CD82: variants seen among roughly 807,000 people sequenced by gnomAD.
The protein encoded by CD82 is CD82 molecule.
A neutral mutation model predicts 37.4 loss-of-function variants in CD82; 36 were observed. The ratio of observed to expected loss-of-function variants is 0.96; its 90% CI spans 0.74 to 1.27. The LOEUF (loss-of-function observed/expected upper bound fraction) is 1.27, where lower values mean the gene tolerates loss of function less well. Ranked by LOEUF, CD82 falls within the 50% of genes most tolerant of loss-of-function variation. The pLI is 0.00. For synonymous variants in CD82, 158 were observed against 137.4 expected (o/e 1.15, Z -1.05); for missense variants, 340 against 347.0 (o/e 0.98, Z 0.16).
chr11:44,616,694 C>T (rs1853569592), intron 7 of CD82, among the ~76,000 whole-genome samples: 1 of 152,204 alleles, frequency 6.6e-6, no homozygotes, highest in South Asian at 2.1e-4. Context: ...AAGCCTGAAG[C>T]ACTTAGGCAG....
At chr11:44,593,627 C>G (rs1233775009) in intron 2 of CD82, among the ~76,000 whole-genome samples, 1 of 151,802 alleles carries the variant, frequency 6.6e-6, no homozygotes, top group Non-Finnish European at 1.5e-5. Context: ...CTTGTGTCAT[C>G]GGGGAGACTG....
At chr11:44,577,950 T>C (rs1852922661) in intron 1 of CD82, among the ~76,000 whole-genome samples, 1 of 152,168 alleles carries the variant, frequency 6.6e-6, no homozygotes, top group South Asian at 2.1e-4. Context: ...TCAGCTGATT[T>C]AATCAGACTC....
intron 6 of CD82, among the ~76,000 whole-genome samples, chr11:44,609,242 G>C (rs78881068): frequency 5.6e-4 from 86 of 152,334 alleles, no homozygotes; most frequent in Non-Finnish European, 1.1e-3. Context: ...CTGATCCACA[G>C]GCGAGCTCTT....
At chr11:44,567,596 AG>A (rs974496589) in intron 1 of CD82, among the ~76,000 whole-genome samples, 12 of 151,918 alleles carry the variant, frequency 7.9e-5, no homozygotes, top group Non-Finnish European at 1.5e-4. Flanking sequence ...TATGGTGGGG[AG>A]GGAGAGGGTC....
intron 1 of CD82, chr11:44,584,995 G>A (rs1249748337): frequency 1.2e-5 from 4 of 346,288 alleles, no homozygotes; most frequent in African/African-American, 6.4e-5. Context: ...CGACTGGGCA[G>A]ACCGAGCTCC....
chr11:44,598,877 G>A (rs1436194740), intron 3 of CD82, among the ~76,000 whole-genome samples: 1 of 152,236 alleles, frequency 6.6e-6, no homozygotes, highest in African/African-American at 2.4e-5. Flanking sequence ...ATACAGGTGG[G>A]AGTTTCAAGA....
At chr11:44,599,122 C>T (rs959726908) in intron 3 of CD82, among the ~76,000 whole-genome samples, 2 of 152,154 alleles carry the variant, frequency 1.3e-5, no homozygotes, top group African/African-American at 4.8e-5. Context: ...GCTTGGGATC[C>T]TTATTTGTAA....
chr11:44,618,375 G>T lies in CD82; in HGVS notation c.642+10G>T, dbSNP rs756348931. On this transcript the variant is annotated intron_variant, in intron 8 of 9. Coordinates refer to ENST00000227155, the MANE Select transcript of CD82 (RefSeq NM_002231.4). ...GCCTGTGTACCAGGAGGTGTGCGGG[G>T]GGCTGCGGATCGGGGGCGGGGCTCC... 1.2e-6 allele frequency: 2 copies of T among 1,610,406 alleles called. No individual in the cohort carries two copies. Among genetic ancestry groups the T allele is most frequent in the Non-Finnish European group, 1.7e-6 (2 of 1,178,530 alleles).
chr11:44,595,157 G>C (rs938016727), intron 3 of CD82, among the ~76,000 whole-genome samples: 1 of 152,164 alleles, frequency 6.6e-6, no homozygotes, highest in East Asian at 1.9e-4. Context: ...TCACACCCCC[G>C]TCCCTGTCGT....
chr11:44,612,756 G>A (rs1007607319), intron 6 of CD82, among the ~76,000 whole-genome samples: 5 of 148,032 alleles, frequency 3.4e-5, no homozygotes, highest in African/African-American at 7.5e-5. Context: ...TCTCAGTCTC[G>A]CGAGTAGCTG....
intron 1 of CD82, among the ~76,000 whole-genome samples, chr11:44,572,762 C>A (rs1379911541): frequency 6.6e-6 from 1 of 152,206 alleles, no homozygotes; most frequent in Non-Finnish European, 1.5e-5. Context: ...GTTTCCTCAT[C>A]TGTGAAATAG....
At chr11:44,605,474 TG>T in intron 6 of CD82, 45 bp downstream of exon 6, 1 of 1,554,774 alleles carries the variant, frequency 6.4e-7, no homozygotes, top group Non-Finnish European at 8.9e-7. Flanking sequence ...GGACCAACCA[TG>T]GGGGTGATTG....
At chr11:44,608,574 A>T (rs1853433440) in intron 6 of CD82, among the ~76,000 whole-genome samples, 1 of 152,254 alleles carries the variant, frequency 6.6e-6, no homozygotes, top group South Asian at 2.1e-4. Flanking sequence ...CCTGTGCCTC[A>T]GTTTCCACAT....
intron 2 of CD82, among the ~76,000 whole-genome samples, chr11:44,589,896 C>T (rs191727285): frequency 3.9e-4 from 59 of 151,972 alleles, no homozygotes; most frequent in Admixed American, 3.4e-3. Context: ...TGCAGTGGCG[C>T]GATCTCGGCT....
chr11:44,619,458 G>A lies in CD82; in HGVS notation c.*332G>A. ...GTGTGTATATTGTATAGGGGCAACT[G>A]TATGAAAAATTGGGGAGGAGGGGGC... On this transcript the variant is annotated 3_prime_UTR_variant, in exon 10 of 10. Coordinates refer to ENST00000227155, the MANE Select transcript of CD82 (RefSeq NM_002231.4). The A allele has an allele frequency of 4.2e-6, 1 of 235,436 alleles. No individual in the cohort carries two copies. Among genetic ancestry groups the A allele is most frequent in the Non-Finnish European group, 8.3e-6 (1 of 119,878 alleles). 14.6% of individuals were successfully genotyped at this position (235,436 alleles called of 1,614,324 possible).
intron 4 of CD82, among the ~76,000 whole-genome samples, chr11:44,603,469 G>T (rs1211061184): frequency 6.6e-6 from 1 of 152,162 alleles, no homozygotes; most frequent in African/African-American, 2.4e-5. Flanking sequence ...ATGGTAAAGG[G>T]GTTGGTCCTG....
chr11:44,604,519 G>A (rs1402970048), intron 4 of CD82: 1 of 166,396 alleles, frequency 6.0e-6, no homozygotes, highest in African/African-American at 2.4e-5. Flanking sequence ...GGCAAGAAAG[G>A]CTGGTGTTTG....
At position 44,582,191 on chromosome 11, in the gene CD82, G is replaced by A. The variant is rs199846816; in HGVS notation, c.-102-5284G>A. 2.4e-3 allele frequency among the ~76,000 whole-genome samples: 13 copies of A among 5,340 alleles called. 1 individual carries two copies. In the East Asian group the frequency reaches 0.034, roughly 14 times the overall value. 3.5% of individuals were successfully genotyped at this position (5,340 alleles called of 152,430 possible). On this transcript the variant is annotated intron_variant, in intron 1 of 9. Coordinates refer to ENST00000227155, the MANE Select transcript of CD82 (RefSeq NM_002231.4). The stretch of plus-strand genomic sequence containing the variant: ...CTGAATCCCAGTGATCCTTCCTGGG[G>A]TTTGGGGCTGAATGAGATAAGATCA...
At chr11:44,592,304 A>G (rs1285687048) in intron 2 of CD82, among the ~76,000 whole-genome samples, 3 of 152,368 alleles carry the variant, frequency 2.0e-5, no homozygotes, top group Non-Finnish European at 2.9e-5. Flanking sequence ...AAGGATGCCA[A>G]TGGCCCCATT....
Sources: allele counts gnomAD v4.1 joint callset (sites outside exome capture counted in the v4.1 genomes callset), GRCh38; gene constraint gnomAD v4.1.1; transcripts MANE v1.5; gene names NCBI Gene and HGNC (gene_info 2026-07-23, HGNC 2026-07-21).